The following STX8 variants were observed in gnomAD, a reference collection of about 807,000 sequenced individuals.
STX8 encodes the protein syntaxin-8.
A neutral mutation model predicts 37.5 loss-of-function variants in STX8; 23 were observed. The ratio of observed to expected loss-of-function variants is 0.61; its 90% CI spans 0.44 to 0.87. The LOEUF (loss-of-function observed/expected upper bound fraction) is 0.87, where lower values mean the gene tolerates loss of function less well. Among genes scored for constraint, STX8 ranks in the 40% least tolerant of loss-of-function variants. The pLI is 0.00. For missense variants in STX8, 313 were observed against 284.7 expected (o/e 1.10, Z -0.71); for synonymous variants, 115 against 99.1 (o/e 1.16, Z -0.95).
intron 7 of STX8, among the ~76,000 whole-genome samples, chr17:9,285,225 C>A (rs1908031833): frequency 6.6e-6 from 1 of 152,112 alleles, no homozygotes; most frequent in South Asian, 2.1e-4. Context: ...GGCCCCAAGG[C>A]TCAGGGAATC....
chr17:9,419,568 G>GTCC (rs1467244253), intron 6 of STX8, among the ~76,000 whole-genome samples: 1 of 152,212 alleles, frequency 6.6e-6, no homozygotes, highest in Non-Finnish European at 1.5e-5. Flanking sequence ...ATGGGAGGTA[G>GTCC]ATATTAAGTA....
Position 9,505,154 on chromosome 17 carries a change from A to C in STX8, c.332T>G (p.Leu111Arg). The part of the protein sequence containing the change: ...GAEPDLIRSS[L>R]MSEEAKRGAP... ...TCCTCGCTTAGCCTCTTCACTCATC[A>C]GGCTGGACCTAAAGAACAATATTAA... The change falls in exon 5 of 8, where the codon CTG becomes CGG. Residue 111 changes from leucine to arginine, a missense_variant. Leu to Arg is a moderately radical substitution (Grantham distance 102). Transcript: ENST00000306357. 1 of 1,610,842 alleles carries C rather than the reference A, an allele frequency of 6.2e-7. No homozygotes were observed. The highest frequency in any genetic ancestry group is 8.5e-7 in the Non-Finnish European group (1 of 1,179,120).
intron 6 of STX8, among the ~76,000 whole-genome samples, chr17:9,382,485 GGTTT>G (rs1911857586): frequency 6.6e-6 from 1 of 152,044 alleles, no homozygotes; most frequent in African/African-American, 2.4e-5. Flanking sequence ...ACAACGTGCA[GGTTT>G]GTTACATAGG....
chr17:9,414,136 A>ATTTGTCCGTCTG (rs1913094705), intron 6 of STX8, among the ~76,000 whole-genome samples: 1 of 10,902 alleles, frequency 9.2e-5, no homozygotes, highest in Non-Finnish European at 1.9e-4. Flanking sequence ...CCAACCATCC[A>ATTTGTCCGTCTG]TCCATCCATC....
chr17:9,496,800 T>C (rs1904422728), intron 5 of STX8, among the ~76,000 whole-genome samples: 1 of 152,030 alleles, frequency 6.6e-6, no homozygotes, highest in Admixed American at 6.6e-5. Flanking sequence ...AGAGATAACT[T>C]ACTGGCTTTG....
intron 7 of STX8, among the ~76,000 whole-genome samples, chr17:9,319,622 A>G (rs1157826260): frequency 1.3e-5 from 2 of 152,150 alleles, no homozygotes; most frequent in African/African-American, 4.8e-5. Context: ...GTCTCCAGGG[A>G]AAAAGGAAGA....
At chr17:9,395,478 T>TGA (rs1243626077) in intron 6 of STX8, among the ~76,000 whole-genome samples, 1 of 152,002 alleles carries the variant, frequency 6.6e-6, no homozygotes, top group Non-Finnish European at 1.5e-5. Flanking sequence ...CTTGGGAGCC[T>TGA]GAGGCAAGAG....
At chr17:9,558,538 T>C (rs1478379079) in intron 2 of STX8, among the ~76,000 whole-genome samples, 1 of 151,996 alleles carries the variant, frequency 6.6e-6, no homozygotes, top group Non-Finnish European at 1.5e-5. Context: ...CTCTCTACAC[T>C]CAAAGAGAAA....
chr17:9,561,380 T>G (rs535519382), intron 2 of STX8, among the ~76,000 whole-genome samples: 1 of 152,180 alleles, frequency 6.6e-6, no homozygotes, highest in South Asian at 2.1e-4. Flanking sequence ...GAAACAAGGC[T>G]GAGCACGGTG....
intron 7 of STX8, among the ~76,000 whole-genome samples, chr17:9,261,552 A>T (rs1907038192): frequency 6.6e-6 from 1 of 152,204 alleles, no homozygotes; most frequent in Non-Finnish European, 1.5e-5. Context: ...GGGAGTGTGT[A>T]AAAACTCTGC....
intron 5 of STX8, among the ~76,000 whole-genome samples, chr17:9,496,018 T>G (rs1324454235): frequency 1.3e-5 from 2 of 149,618 alleles, no homozygotes; most frequent in Non-Finnish European, 3.0e-5. Flanking sequence ...GCAAGACTCC[T>G]GTCTCAAAAA....
At chr17:9,453,327 T>C (rs985309060) in intron 6 of STX8, among the ~76,000 whole-genome samples, 4 of 152,158 alleles carry the variant, frequency 2.6e-5, no homozygotes, top group Admixed American at 6.5e-5. Flanking sequence ...TCATTATGTT[T>C]ACCCCATGGA....
At chr17:9,391,112 G>A (rs1476069144) in intron 6 of STX8, among the ~76,000 whole-genome samples, 1 of 152,016 alleles carries the variant, frequency 6.6e-6, no homozygotes, top group Non-Finnish European at 1.5e-5. Context: ...ATTAGGAACA[G>A]ATGCCAAAGT....
chr17:9,552,654 CTT>C (rs67297305), intron 3 of STX8: 14 of 137,216 alleles, frequency 1.0e-4, no homozygotes, highest in Admixed American at 2.2e-4. Context: ...ATAGATTTTT[CTT>C]TTTTTTTTTT....
chr17:9,563,343 C>T lies in STX8; in HGVS notation c.117+5028G>A, dbSNP rs992092757. 7.2e-5 allele frequency among the ~76,000 whole-genome samples: 11 copies of T among 152,018 alleles called. 1 individual carries two copies. The South Asian group carries it at 2.3e-3, about 32-fold the overall frequency. ...GATTACAGGTGCTCGCCACCACACC[C>T]GGCTAATGTTTTGTATTTTTAGTAG... On this transcript the variant is annotated intron_variant, in intron 2 of 7. Transcript: ENST00000306357.
chr17:9,562,345 G>A (rs1236643463), intron 2 of STX8, among the ~76,000 whole-genome samples: 5 of 151,568 alleles, frequency 3.3e-5, no homozygotes, highest in South Asian at 2.1e-4. Context: ...GGCGGAGCTT[G>A]AAGTGAGCCG....
chr17:9,259,092 T>C (rs748219939), intron 7 of STX8, among the ~76,000 whole-genome samples: 15 of 152,226 alleles, frequency 9.9e-5, no homozygotes, highest in African/African-American at 3.6e-4. Context: ...GAAGGGGTAC[T>C]GATTTTACAG....
chr17:9,537,705 A>T (rs1906114665), intron 4 of STX8, among the ~76,000 whole-genome samples: 1 of 152,218 alleles, frequency 6.6e-6, no homozygotes, highest in African/African-American at 2.4e-5. Flanking sequence ...ATTACTTATT[A>T]AAAATTGTGC....
chr17:9,477,308 TG>T (rs2142448180), intron 6 of STX8, among the ~76,000 whole-genome samples: 1 of 152,112 alleles, frequency 6.6e-6, no homozygotes, highest in East Asian at 1.9e-4. Flanking sequence ...CATTTGAATT[TG>T]GGGGGTGACA....
Sources: allele counts gnomAD v4.1 joint callset (sites outside exome capture counted in the v4.1 genomes callset), GRCh38; gene constraint gnomAD v4.1.1; transcripts MANE v1.5; gene names NCBI Gene and HGNC (gene_info 2026-07-23, HGNC 2026-07-21).